Variants in ATP10A observed in about 807,000 individuals in gnomAD.
ATP10A encodes ATPase phospholipid transporting 10A (putative).
ATP10A carries 111 observed loss-of-function variants against 147.8 expected under a neutral mutation model. That is an observed-to-expected ratio of 0.75 (90% CI 0.64 to 0.88). ATP10A has a LOEUF of 0.88. Among genes scored for constraint, ATP10A ranks in the 40% least tolerant of loss-of-function variants. The probability of loss-of-function intolerance (pLI) is 0.00; values close to 1 mark genes in which losing one functional copy is unlikely to be tolerated. For synonymous variants in ATP10A, 875 were observed against 841.6 expected (o/e 1.04, Z -0.69); for missense variants, 1,927 against 1,959.0 (o/e 0.98, Z 0.31).
chr15:25,802,224 G>A (rs143660502), intron 1 of ATP10A, among the ~76,000 whole-genome samples: 18 of 152,278 alleles, frequency 1.2e-4, no homozygotes, highest in Admixed American at 6.5e-4. Flanking sequence ...TGCCTGCGCC[G>A]CAGCACAGAC....
intron 7 of ATP10A, 111 bp downstream of exon 7, chr15:25,721,545 TG>T: frequency 4.7e-5 from 1 of 21,180 alleles, no homozygotes; most frequent in Non-Finnish European, 1.0e-4. Flanking sequence ...CCCTGAAGCG[TG>T]TGTGTGTGTG....
At chr15:25,747,640 A>T (rs909649770) in intron 2 of ATP10A, among the ~76,000 whole-genome samples, 1 of 152,166 alleles carries the variant, frequency 6.6e-6, no homozygotes, top group Non-Finnish European at 1.5e-5. Flanking sequence ...TTAAGTAAAA[A>T]GGACAGATTA....
Position 25,862,973 on chromosome 15 carries a change from C to T in ATP10A, c.124G>A (p.Ala42Thr), listed in dbSNP as rs1893841326. ...CGCCGCTCGCCCTTGGCCGCGCCAGCCGCAGGGTCCTCGGCGCCCGGGGGC... is the reference window on the plus strand; with the variant it reads ...CGCCGCTCGCCCTTGGCCGCGCCAGTCGCAGGGTCCTCGGCGCCCGGGGGC... ...LPPPGAEDPA[A>T]GAAKGERRRR... Residue 42 changes from alanine to threonine, a missense_variant, in exon 1 of 21, where the codon GCT (alanine) becomes ACT (threonine). By Grantham distance (58) the Ala-to-Thr change is moderately conservative. Transcript: ENST00000555815. 1 of 1,495,998 alleles carries T rather than the reference C, an allele frequency of 6.7e-7. No homozygotes were observed. The highest frequency in any genetic ancestry group is 8.8e-7 in the Non-Finnish European group (1 of 1,130,086). The allele number at this position is 1,495,998 out of a possible 1,614,324, so 92.7% of individuals were successfully genotyped here. A position where few individuals can be genotyped will look rare whatever the true frequency, so the allele number is the denominator to read the frequency against.
In ATP10A at chr15:25,733,891, G is replaced by A. The variant is rs992404689; in HGVS notation, c.740+2165C>T. Among the ~76,000 whole-genome samples, 26 of 152,322 alleles carry A rather than the reference G, an allele frequency of 1.7e-4. No homozygotes were observed. In the Middle Eastern group the frequency reaches 0.014, roughly 80 times the overall value. Reference sequence around the variant, plus strand: ...CAACATGCCGGTGAGGACACCACAGGAGGAACGCCTGCTGGCGGCACAGGC... The same window carrying A: ...CAACATGCCGGTGAGGACACCACAGAAGGAACGCCTGCTGGCGGCACAGGC... On this transcript the variant is annotated intron_variant, in intron 3 of 20. Coordinates refer to ENST00000555815, the MANE Select transcript of ATP10A (RefSeq NM_024490.4).
At chr15:25,749,204 A>G (rs1288329067) in intron 2 of ATP10A, among the ~76,000 whole-genome samples, 1 of 152,188 alleles carries the variant, frequency 6.6e-6, no homozygotes, top group Non-Finnish European at 1.5e-5. Flanking sequence ...AAACACACAC[A>G]CATTGAATTC....
intron 7 of ATP10A, among the ~76,000 whole-genome samples, chr15:25,720,154 A>G (rs1902124670): frequency 6.6e-6 from 1 of 152,124 alleles, no homozygotes; most frequent in South Asian, 2.1e-4. Flanking sequence ...CAACTTTATT[A>G]TTATCTTTTA....
At chr15:25,843,373 G>A (rs568033062) in intron 1 of ATP10A, among the ~76,000 whole-genome samples, 1 of 152,106 alleles carries the variant, frequency 6.6e-6, no homozygotes, top group East Asian at 1.9e-4. Context: ...AGTGCAAGTG[G>A]AGAGAGACAG....
In ATP10A at chr15:25,862,815, G is replaced by C. The variant is rs1357877909; in HGVS notation, c.282C>G (p.Ile94Met). ...CCGCCGGCACGAAGTTGAGCAGCGC[G>C]ATGAAGACAAAGTACACGTTGGCCG... ...HRPANVYFVFIALLNFVPAVN... is the reference protein window; with the variant it reads ...HRPANVYFVFMALLNFVPAVN... The change falls in exon 1 of 21, where the codon ATC becomes ATG. Residue 94 changes from isoleucine to methionine, a missense_variant. Coordinates refer to ENST00000555815, the MANE Select transcript of ATP10A (RefSeq NM_024490.4). The C allele has an allele frequency of 1.2e-6, 2 of 1,610,204 alleles. No homozygotes were observed. The highest frequency in any genetic ancestry group is 2.2e-5 in the East Asian group (1 of 44,678).
chr15:25,744,429 A>G lies in ATP10A; in HGVS notation c.655-8288T>C, dbSNP rs554758456. Among the ~76,000 whole-genome samples the G allele has an allele frequency of 3.9e-5, 6 of 152,300 alleles. No homozygotes were observed. The South Asian group carries it at 1.0e-3, about 26-fold the overall frequency. The stretch of plus-strand genomic sequence containing the variant: ...GCCTCAAATTATTTGTAAAAAATCA[A>G]TTTCCAGGTACAATGTCAGACACAG... On this transcript the variant is annotated intron_variant, in intron 2 of 20. Transcript: ENST00000555815.
chr15:25,857,557 G>A (rs1253110681), intron 1 of ATP10A, among the ~76,000 whole-genome samples: 2 of 152,210 alleles, frequency 1.3e-5, no homozygotes, highest in Admixed American at 1.3e-4. Context: ...GAAACGTCAT[G>A]ATGTCTGGAG....
At chr15:25,777,092 C>T (rs1402778447) in intron 2 of ATP10A, among the ~76,000 whole-genome samples, 1 of 92,062 alleles carries the variant, frequency 1.1e-5, no homozygotes, top group African/African-American at 3.4e-5. Flanking sequence ...TGTGTGCATA[C>T]GTGCGTGTGT....
At chr15:25,786,828 G>A (rs1450152025) in intron 1 of ATP10A, among the ~76,000 whole-genome samples, 1 of 149,046 alleles carries the variant, frequency 6.7e-6, no homozygotes, top group African/African-American at 2.5e-5. Context: ...GTAGAGACGG[G>A]GTTTCACCGT....
At chr15:25,760,394 TG>T (rs1443835364) in intron 2 of ATP10A, among the ~76,000 whole-genome samples, 1 of 152,248 alleles carries the variant, frequency 6.6e-6, no homozygotes, top group Non-Finnish European at 1.5e-5. Context: ...GTCATAATTA[TG>T]GTTCACGAAT....
rs1413370051 is a variant in ATP10A, at chr15:25,774,815, AC to A, written c.654+6203del. Reference sequence around the variant, plus strand: ...GAACTGAATTTCTATGAATATCCACACTTGTTAGAATTAAAAATTTAATCTA... The same window carrying A: ...GAACTGAATTTCTATGAATATCCACATTGTTAGAATTAAAAATTTAATCTA... On this transcript the variant is annotated intron_variant, in intron 2 of 20. Coordinates refer to ENST00000555815, the MANE Select transcript of ATP10A (RefSeq NM_024490.4). 1.1e-4 allele frequency among the ~76,000 whole-genome samples: 16 copies of A among 152,284 alleles called. No individual in the cohort carries two copies. In the South Asian group the frequency reaches 3.3e-3, roughly 32 times the overall value.
rs748862225 is a variant in ATP10A at position 25,679,900 on chromosome 15, G to T, written c.3941C>A (p.Ser1314Tyr). 2 of 1,610,362 alleles carry T rather than the reference G, an allele frequency of 1.2e-6. No individual in the cohort carries two copies. The highest frequency in any genetic ancestry group is 1.1e-5 in the South Asian group (1 of 91,072). ...TTTGGGAGCACTGCATCTCCTGGGG[G>T]ACTTCCTGGTCAACTGACGTGCCAG... ...LQLARQLTRK[S>Y]PRRCSAPKET... The change falls in exon 21 of 21, where the codon TCC (serine) becomes TAC (tyrosine). Residue 1314 changes from serine (S) to tyrosine (Y), a missense_variant. Coordinates refer to ENST00000555815, the MANE Select transcript of ATP10A (RefSeq NM_024490.4).
At chr15:25,768,984 G>A (rs1889183136) in intron 2 of ATP10A, among the ~76,000 whole-genome samples, 1 of 152,140 alleles carries the variant, frequency 6.6e-6, no homozygotes, top group East Asian at 1.9e-4. Flanking sequence ...TTTAGTTAAG[G>A]GTTGAAAGGT....
chr15:25,845,820 C>T (rs1043614385), intron 1 of ATP10A, among the ~76,000 whole-genome samples: 1 of 152,122 alleles, frequency 6.6e-6, no homozygotes, highest in Non-Finnish European at 1.5e-5. Context: ...TCTCCACGGA[C>T]GAAAAAGGCA....
intron 1 of ATP10A, among the ~76,000 whole-genome samples, chr15:25,811,721 GTCCAGGGACCATGCA>G (rs1410756045): frequency 2.0e-5 from 3 of 152,202 alleles, no homozygotes; most frequent in Non-Finnish European, 4.4e-5. Flanking sequence ...GGCGTCAAGA[GTCCAGGGACCATGCA>G]TGGTGGTTTA....
At chr15:25,826,328 G>A (rs1356164273) in intron 1 of ATP10A, among the ~76,000 whole-genome samples, 1 of 152,176 alleles carries the variant, frequency 6.6e-6, no homozygotes, top group African/African-American at 2.4e-5. Context: ...GGGAGGCCTA[G>A]GTGGGTGGAT....
Sources: gnomAD v4.1 joint callset for allele counts (sites outside exome capture counted in the v4.1 genomes callset) on GRCh38, gnomAD v4.1.1 for gene constraint, MANE v1.5 for transcripts, NCBI Gene and HGNC (gene_info 2026-07-23, HGNC 2026-07-21) for gene names.